Variants in RCOR1 observed in about 807,000 individuals in gnomAD.
RCOR1 encodes REST corepressor 1.
RCOR1 carries 12 observed loss-of-function variants against 64.0 expected under a neutral mutation model. That is an observed-to-expected ratio of 0.19 (90% CI 0.12 to 0.30). The LOEUF is 0.30. RCOR1 is among the 10% of genes least tolerant of loss of function. The pLI, the probability that RCOR1 is intolerant of heterozygous loss-of-function variation, is 1.00. For synonymous variants in RCOR1, 279 were observed against 227.2 expected (o/e 1.23, Z -2.05); for missense variants, 502 against 621.2 (o/e 0.81, Z 2.04).
intron 4 of RCOR1, among the ~76,000 whole-genome samples, chr14:102,706,799 G>T (rs540782563): frequency 2.6e-5 from 4 of 151,684 alleles, no homozygotes; most frequent in Non-Finnish European, 5.9e-5. Context: ...TCCAGCCTGG[G>T]TGACAGATCC....
At chr14:102,635,160 A>G (rs556272154) in intron 2 of RCOR1, among the ~76,000 whole-genome samples, 6 of 152,250 alleles carry the variant, frequency 3.9e-5, no homozygotes, top group East Asian at 1.9e-4. Context: ...TTCTTATGCA[A>G]ACTTTTAAAT....
chr14:102,605,653 A>G (rs548183463), intron 2 of RCOR1, among the ~76,000 whole-genome samples: 4 of 152,296 alleles, frequency 2.6e-5, no homozygotes, highest in African/African-American at 9.6e-5. Context: ...TAACTGTATT[A>G]CTGGTTTGTG....
At chr14:102,682,116 T>C (rs945028061) in intron 3 of RCOR1, 138 bp downstream of exon 3, 1 of 540,618 alleles carries the variant, frequency 1.8e-6, no homozygotes, top group Admixed American at 3.6e-5. Context: ...TTTTAAAGTG[T>C]ATATTTCTTT....
At chr14:102,701,817 C>G (rs1895762947) in intron 4 of RCOR1, among the ~76,000 whole-genome samples, 1 of 152,176 alleles carries the variant, frequency 6.6e-6, no homozygotes, top group South Asian at 2.1e-4. Context: ...CTCCGGGGTT[C>G]AAGTAGTTCT....
chr14:102,610,470 A>T (rs1951630), intron 2 of RCOR1, among the ~76,000 whole-genome samples: 95,138 of 151,950 alleles, frequency 0.63, 30,873 homozygotes, highest in South Asian at 0.72. Context: ...AGCTCAGAAT[A>T]GAGTATTTTT....
intron 6 of RCOR1, among the ~76,000 whole-genome samples, chr14:102,709,530 C>G (rs1895917474): frequency 6.6e-6 from 1 of 152,178 alleles, no homozygotes; most frequent in African/African-American, 2.4e-5. Context: ...GAAAGAGTAA[C>G]ATGTGAGAAC....
At position 102,729,532 on chromosome 14, in the gene RCOR1, G is replaced by T. The variant is rs957611901; in HGVS notation, c.*3026G>T. On this transcript the variant is annotated 3_prime_UTR_variant, in exon 12 of 12. Transcript: ENST00000262241. The stretch of plus-strand genomic sequence containing the variant: ...GTTTTTGATTGTTTTTAACCTATAA[G>T]ACGTTCTGATGCTCACAAACCTCTA... 1.3e-5 allele frequency: 3 copies of T among 226,532 alleles called. No individual in the cohort carries two copies. The highest frequency in any genetic ancestry group is 4.5e-5 in the African/African-American group (2 of 44,340). The allele number at this position is 226,532 out of a possible 1,614,324, so 14.0% of individuals were successfully genotyped here.
At position 102,593,089 on chromosome 14, in the gene RCOR1, G is replaced by T. The variant is rs1260344191; in HGVS notation, c.203G>T (p.Gly68Val). 6.8e-7 allele frequency: 1 copy of T among 1,475,360 alleles called. No individual in the cohort carries two copies. The highest frequency in any genetic ancestry group is 9.0e-7 in the Non-Finnish European group (1 of 1,114,150). The allele number at this position is 1,475,360 out of a possible 1,614,324, so 91.4% of individuals were successfully genotyped here. The change falls in exon 1 of 12, where the codon GGC (glycine) becomes GTC (valine). Residue 68 changes from glycine (G) to valine (V), a missense_variant. By Grantham distance (109) the Gly-to-Val change is moderately radical. Transcript: ENST00000262241. ...AASAAAAPNN[G>V]QNKSLAAAAP... The stretch of plus-strand genomic sequence containing the variant: ...TCAGCCGCCGCCGCCCCCAATAATG[G>T]CCAGAATAAAAGTTTGGCGGCGGCG...
intron 2 of RCOR1, among the ~76,000 whole-genome samples, chr14:102,653,998 T>TCTTTCTTTCTTTCTTTCTTTC (rs1595214214): frequency 1.6e-5 from 2 of 126,610 alleles, no homozygotes; most frequent in Non-Finnish European, 1.6e-5. Context: ...TTTTTTTTTT[T>TCTTTCTTTCTTTCTTTCTTTC]TTTTTGAGAC....
At chr14:102,600,961 A>T (rs972642021) in intron 2 of RCOR1, among the ~76,000 whole-genome samples, 4 of 151,218 alleles carry the variant, frequency 2.6e-5, no homozygotes, top group Non-Finnish European at 4.4e-5. Context: ...AGGCCGAGGC[A>T]GGCGGATCAC....
chr14:102,727,329 C>T lies in RCOR1; in HGVS notation c.*823C>T, dbSNP rs903933112. 3 of 143,612 alleles carry T rather than the reference C, an allele frequency of 2.1e-5. No individual in the cohort carries two copies. Among genetic ancestry groups the T allele is most frequent in the Admixed American group, 7.2e-5 (1 of 13,870 alleles). The allele number at this position is 143,612 out of a possible 1,614,324, so 8.9% of individuals were successfully genotyped here. ...AAGAGGTTCGGCCCACATCACTGTACCTGGTGCTTGTAAATTTGGAATTGG... is the reference window on the plus strand; with the variant it reads ...AAGAGGTTCGGCCCACATCACTGTATCTGGTGCTTGTAAATTTGGAATTGG... On this transcript the variant is annotated 3_prime_UTR_variant, in exon 12 of 12. Coordinates refer to ENST00000262241, the MANE Select transcript of RCOR1 (RefSeq NM_015156.4).
chr14:102,729,080 A>G lies in RCOR1; in HGVS notation c.*2574A>G, dbSNP rs888815849. 6.6e-6 allele frequency: 1 copy of G among 152,668 alleles called. No homozygotes were observed. The highest frequency in any genetic ancestry group is 1.5e-5 in the Non-Finnish European group (1 of 68,046). The allele number at this position is 152,668 out of a possible 1,614,324, so 9.5% of individuals were successfully genotyped here. A position where few individuals can be genotyped will look rare whatever the true frequency, so the allele number is the denominator to read the frequency against. On this transcript the variant is annotated 3_prime_UTR_variant, in exon 12 of 12. Coordinates refer to ENST00000262241, the MANE Select transcript of RCOR1 (RefSeq NM_015156.4). The stretch of plus-strand genomic sequence containing the variant: ...TCACTTAAGCTTTGTCTTCTTAAAA[A>G]TTATCAATGTGAATGTCATAATTAT...
intron 2 of RCOR1, chr14:102,658,969 C>T (rs1013717759): frequency 9.9e-6 from 3 of 303,128 alleles, no homozygotes; most frequent in African/African-American, 4.5e-5. Context: ...ACCTTCCATA[C>T]TTATTTTTTT....
chr14:102,715,315 C>T (rs910413283), intron 8 of RCOR1, among the ~76,000 whole-genome samples: 1 of 148,604 alleles, frequency 6.7e-6, no homozygotes, highest in South Asian at 2.1e-4. Flanking sequence ...TCATGATCCA[C>T]CCGCCTCGGC....
At chr14:102,669,326 GAAA>G (rs1894984228) in intron 2 of RCOR1, among the ~76,000 whole-genome samples, 4 of 149,536 alleles carry the variant, frequency 2.7e-5, no homozygotes, top group African/African-American at 9.9e-5. Context: ...AAAAAAAAGA[GAAA>G]AGAAAAGATA....
At chr14:102,685,810 A>G (rs946845361) in intron 3 of RCOR1, among the ~76,000 whole-genome samples, 6 of 152,128 alleles carry the variant, frequency 3.9e-5, no homozygotes, top group Non-Finnish European at 2.9e-5. Flanking sequence ...AAAAAGTCCA[A>G]AAGTTAGCTG....
intron 4 of RCOR1, 54 bp downstream of exon 4, chr14:102,701,384 A>C (rs1027698929): frequency 8.2e-6 from 11 of 1,337,014 alleles, no homozygotes; most frequent in Non-Finnish European, 1.1e-5. Flanking sequence ...TTTGTAACTA[A>C]ATAATTATAT....
chr14:102,700,740 T>G (rs2139977881), intron 3 of RCOR1, among the ~76,000 whole-genome samples: 1 of 152,358 alleles, frequency 6.6e-6, no homozygotes, highest in South Asian at 2.1e-4. Flanking sequence ...ATTCAGACGT[T>G]TCTCTGCAGG....
rs530375794 is a variant in RCOR1, at chr14:102,676,083, A to G, written c.362-5812A>G. ...AGAAGAATTTTTCTTAGTACAGAAC[A>G]AAATGAAAAGTCTCCCATGTCTACT... is the stretch of plus-strand genomic sequence containing the variant. On this transcript the variant is annotated intron_variant, in intron 2 of 11. Coordinates refer to ENST00000262241, the MANE Select transcript of RCOR1 (RefSeq NM_015156.4). Among the ~76,000 whole-genome samples, 7 of 151,644 alleles carry G rather than the reference A, an allele frequency of 4.6e-5. No individual in the cohort carries two copies. In the East Asian group the frequency reaches 9.7e-4, roughly 21 times the overall value.
Sources: gnomAD v4.1 joint callset for allele counts (sites outside exome capture counted in the v4.1 genomes callset) on GRCh38, gnomAD v4.1.1 for gene constraint, MANE v1.5 for transcripts, NCBI Gene and HGNC (gene_info 2026-07-23, HGNC 2026-07-21) for gene names.